The following APOO variants were observed in gnomAD, a reference collection of about 807,000 sequenced individuals.
APOO encodes the protein MICOS complex subunit MIC26.
A neutral mutation model predicts 23.1 loss-of-function variants in APOO; 11 were observed. The observed-to-expected ratio is 0.48, with a 90% CI of 0.30 to 0.79. APOO has a LOEUF of 0.79. APOO is among the 30% of genes least tolerant of loss of function. APOO has a pLI of 0.07. For missense variants in APOO, 160 were observed against 142.7 expected (o/e 1.12, Z -0.62); for synonymous variants, 59 against 54.8 (o/e 1.08, Z -0.34).
intron 5 of APOO, among the ~76,000 whole-genome samples, chrX:23,866,444 C>A (rs1356065853): frequency 9.0e-6 from 1 of 111,621 alleles, no homozygotes; most frequent in African/African-American, 3.3e-5. Context: ...GGTAGTGCCA[C>A]CAGGGCAGTG....
chrX:23,888,312 C>T (rs1292259005), intron 1 of APOO, among the ~76,000 whole-genome samples: 2 of 111,852 alleles, frequency 1.8e-5, no homozygotes, highest in Non-Finnish European at 3.8e-5. Flanking sequence ...CTGAAGCTTG[C>T]GAAGGACTGA....
At chrX:23,874,511 A>C in intron 3 of APOO, 54 bp from the exon 4 acceptor site, 1 of 986,885 alleles carries the variant, frequency 1.0e-6, no homozygotes, top group East Asian at 3.1e-5. Flanking sequence ...TGCTGATTAG[A>C]AAGTTAACAG....
chrX:23,898,956 T>C (rs1927019512), intron 1 of APOO, among the ~76,000 whole-genome samples: 1 of 112,330 alleles, frequency 8.9e-6, no homozygotes, highest in African/African-American at 3.2e-5. Context: ...TATATTCCAT[T>C]TTAAAAGACT....
intron 5 of APOO, among the ~76,000 whole-genome samples, chrX:23,863,236 AG>A (rs1925174920): frequency 1.8e-5 from 2 of 112,071 alleles, no homozygotes; most frequent in Non-Finnish European, 3.8e-5. Context: ...TGGGAGGTTG[AG>A]GCGTGAGAAT....
chrX:23,861,003 G>A (rs941336783), intron 5 of APOO, among the ~76,000 whole-genome samples: 1 of 110,507 alleles, frequency 9.0e-6, no homozygotes, highest in African/African-American at 3.3e-5. Flanking sequence ...AGTAAGGTGT[G>A]GTGGCATGTG....
intron 4 of APOO, among the ~76,000 whole-genome samples, chrX:23,872,790 C>T (rs1169418680): frequency 9.0e-6 from 1 of 110,801 alleles, no homozygotes; most frequent in African/African-American, 3.3e-5. Context: ...GTGGCTCACA[C>T]CTGTAATCCC....
At chrX:23,891,295 C>T (rs574489358) in intron 1 of APOO, among the ~76,000 whole-genome samples, 1 of 110,895 alleles carries the variant, frequency 9.0e-6, no homozygotes, top group East Asian at 2.8e-4. Flanking sequence ...GGCCTGATCT[C>T]GGCTCACTAC....
At chrX:23,861,294 T>A (rs1195169426) in intron 5 of APOO, among the ~76,000 whole-genome samples, 1 of 109,901 alleles carries the variant, frequency 9.1e-6, no homozygotes, top group Non-Finnish European at 1.9e-5. Context: ...ATCTGGTTGT[T>A]TAAAAATGTG....
intron 5 of APOO, among the ~76,000 whole-genome samples, chrX:23,861,725 G>T (rs12398674): frequency 0.27 from 28,719 of 106,479 alleles, 3,109 homozygotes; most frequent in South Asian, 0.4. Context: ...CCTTGTATAT[G>T]GTCACTTCCT....
chrX:23,861,432 A>C (rs770531967), intron 5 of APOO, among the ~76,000 whole-genome samples: 1 of 109,609 alleles, frequency 9.1e-6, no homozygotes, highest in African/African-American at 3.3e-5. Context: ...TGCTGGTGCC[A>C]TGCTTCCTGT....
At chrX:23,841,883 A>C (rs778880210) in intron 7 of APOO, among the ~76,000 whole-genome samples, 1 of 111,444 alleles carries the variant, frequency 9.0e-6, no homozygotes, top group African/African-American at 3.3e-5. Flanking sequence ...ATTTTTGCCT[A>C]GCTAAATGTT....
rs141766968 is a variant in APOO at position 23,866,876 on chromosome X, G to A, written c.388+1717C>T. 4.7e-4 allele frequency among the ~76,000 whole-genome samples: 52 copies of A among 109,532 alleles called. No homozygotes were observed. In the East Asian group the frequency reaches 0.011, roughly 23 times the overall value. On this transcript the variant is annotated intron_variant, in intron 5 of 8. Transcript: ENST00000379226. ...GCACTTTGGGACACCGAGGCAGGCC[G>A]ATCACTTGAGGTCAGGAGCTGGAGA...
intron 1 of APOO, among the ~76,000 whole-genome samples, chrX:23,904,150 T>C (rs886548635): frequency 5.4e-5 from 6 of 111,736 alleles, no homozygotes; most frequent in African/African-American, 1.6e-4. Context: ...GTCATGGACA[T>C]TGTTGGTTGC....
intron 5 of APOO, among the ~76,000 whole-genome samples, chrX:23,865,666 C>T (rs1925304775): frequency 9.1e-6 from 1 of 109,292 alleles, no homozygotes; most frequent in Non-Finnish European, 1.9e-5. Context: ...TGCTGCTGCC[C>T]TCAAAGGGGC....
At chrX:23,889,667 T>C (rs1030136990) in intron 1 of APOO, among the ~76,000 whole-genome samples, 1 of 100,795 alleles carries the variant, frequency 9.9e-6, no homozygotes, top group Non-Finnish European at 2.0e-5. Flanking sequence ...TTTTTTTTTT[T>C]TTTTTTTTTT....
Position 23,852,507 on chromosome X carries a change from G to A in APOO, c.561+3795C>T, listed in dbSNP as rs748524548. 1.2e-4 allele frequency among the ~76,000 whole-genome samples: 13 copies of A among 109,555 alleles called. No homozygotes were observed. The South Asian group carries it at 4.8e-3, about 40-fold the overall frequency. On this transcript the variant is annotated intron_variant, in intron 7 of 8. Coordinates refer to ENST00000379226, the MANE Select transcript of APOO (RefSeq NM_024122.5). The stretch of plus-strand genomic sequence containing the variant: ...TATGTACCTGTAATCCCAGCTACTC[G>A]TGAGGCTGAGGCAGGAGAATCGCTT...
In APOO at chrX:23,907,634, G is replaced by A. The variant is rs753881573; in HGVS notation, c.9+60C>T. On this transcript the variant is annotated intron_variant, in intron 1 of 8. Coordinates refer to ENST00000379226, the MANE Select transcript of APOO (RefSeq NM_024122.5). ...GCAGAGAGGCCCCAAGAGAGCGCGGGGAGGGCTCGGGCGGCCGGGAGGGGG... is the reference window on the plus strand; with the variant it reads ...GCAGAGAGGCCCCAAGAGAGCGCGGAGAGGGCTCGGGCGGCCGGGAGGGGG... 1.6e-5 allele frequency: 18 copies of A among 1,126,358 alleles called. No homozygotes were observed. In the South Asian group the frequency reaches 2.5e-4, roughly 15 times the overall value. 92.8% of individuals were successfully genotyped at this position (1,126,358 alleles called of 1,213,427 possible).
chrX:23,888,808 C>T (rs1926487688), intron 1 of APOO, among the ~76,000 whole-genome samples: 1 of 98,237 alleles, frequency 1.0e-5, no homozygotes, highest in Admixed American at 1.2e-4. Context: ...CAAAATTATA[C>T]CTCTGCACTC....
At position 23,868,606 on chromosome X, in the gene APOO, G is replaced by T; in HGVS notation, c.375C>A (p.Leu125=). The T allele has an allele frequency of 8.3e-7, 1 of 1,205,389 alleles. No individual in the cohort carries two copies. The highest frequency in any genetic ancestry group is 1.1e-6 in the Non-Finnish European group (1 of 892,718). ...GVIGFAGLIG[L]LLARGSKIKK... ...AATTGCACCTACCTCTAGCCAAAAG[G>T]AGTCCAATAAGGCCAGCAAAACCAA... Residue 125 remains leucine, a synonymous_variant, in exon 5 of 9, where the codon CTC becomes CTA. Coordinates refer to ENST00000379226, the MANE Select transcript of APOO (RefSeq NM_024122.5).
Sources: gnomAD v4.1 joint callset for allele counts (sites outside exome capture counted in the v4.1 genomes callset) on GRCh38, gnomAD v4.1.1 for gene constraint, MANE v1.5 for transcripts, NCBI Gene and HGNC (gene_info 2026-07-23, HGNC 2026-07-21) for gene names.